TUSC3: variants seen among roughly 807,000 people sequenced by gnomAD.
TUSC3 encodes tumor suppressor candidate 3.
Under a neutral mutation model 44.8 loss-of-function variants are expected in TUSC3, and 45 were observed. The ratio of observed to expected loss-of-function variants is 1.00; its 90% CI spans 0.79 to 1.29. The LOEUF is 1.29. Ranked by LOEUF, TUSC3 falls within the 50% of genes most tolerant of loss-of-function variation. The pLI is 0.00. For synonymous variants in TUSC3, 212 were observed against 152.9 expected (o/e 1.39, Z -2.85); for missense variants, 519 against 437.9 (o/e 1.19, Z -1.65).
intron 1 of TUSC3, among the ~76,000 whole-genome samples, chr8:15,480,903 T>C (rs1182756185): frequency 6.6e-6 from 1 of 152,196 alleles, no homozygotes; most frequent in Non-Finnish European, 1.5e-5. Flanking sequence ...GATTGGAATG[T>C]GTTCCCCAAA....
intron 1 of TUSC3, among the ~76,000 whole-genome samples, chr8:15,619,405 C>T (rs1805141424): frequency 6.6e-6 from 1 of 152,112 alleles, no homozygotes; most frequent in Admixed American, 6.6e-5. Flanking sequence ...TCCTCGTTTA[C>T]CCTATAAGCA....
In TUSC3 at chr8:15,649,096, T is replaced by C. The variant is rs546159767; in HGVS notation, c.309-1601T>C. 1.6e-4 allele frequency among the ~76,000 whole-genome samples: 25 copies of C among 152,326 alleles called. No individual in the cohort carries two copies. The South Asian group carries it at 5.0e-3, about 30-fold the overall frequency. On this transcript the variant is annotated intron_variant, in intron 2 of 10. Coordinates refer to ENST00000503731, the MANE Select transcript of TUSC3 (RefSeq NM_006765.4). Reference sequence around the variant, plus strand: ...AATATCTTTTCTGACAGAATTTTTATAAGTATGTTAGTTACAGTTACACTT... The same window carrying C: ...AATATCTTTTCTGACAGAATTTTTACAAGTATGTTAGTTACAGTTACACTT...
chr8:15,777,395 G>A, the TUSC3 span, among the ~76,000 whole-genome samples: 1 of 152,072 alleles, frequency 6.6e-6, no homozygotes, highest in African/African-American at 2.4e-5. Context: ...TACCTATAAA[G>A]GGAGATTTAT....
At chr8:15,762,259 A>G (rs1812193732) in intron 10 of TUSC3, among the ~76,000 whole-genome samples, 4 of 152,040 alleles carry the variant, frequency 2.6e-5, no homozygotes, top group African/African-American at 9.7e-5. Context: ...TGATAGAAGC[A>G]TAGGAAGTAC....
the TUSC3 span, among the ~76,000 whole-genome samples, chr8:15,849,944 G>C: frequency 2.0e-5 from 3 of 152,230 alleles, no homozygotes; most frequent in South Asian, 6.2e-4. Flanking sequence ...AAAGAAACCT[G>C]AGTGCTTAGA....
intron 1 of TUSC3, among the ~76,000 whole-genome samples, chr8:15,456,396 A>G (rs190401142): frequency 6.6e-6 from 1 of 152,216 alleles, no homozygotes; most frequent in African/African-American, 2.4e-5. Context: ...CAAATTAAAT[A>G]GAAAAAATAA....
upstream of TUSC3, among the ~76,000 whole-genome samples, chr8:15,535,543 G>T (rs530051052): frequency 2.6e-5 from 4 of 152,038 alleles, no homozygotes; most frequent in Non-Finnish European, 4.4e-5. Context: ...TAGGGCAGAG[G>T]AAGCAATCAG....
intron 1 of TUSC3, among the ~76,000 whole-genome samples, chr8:15,620,479 G>A (rs1039995829): frequency 4.6e-5 from 7 of 152,112 alleles, no homozygotes; most frequent in Non-Finnish European, 1.0e-4. Flanking sequence ...TGTGTACCCT[G>A]AAATCTGTAG....
intron 9 of TUSC3, among the ~76,000 whole-genome samples, chr8:15,749,626 C>G (rs898866593): frequency 1.2e-4 from 18 of 151,186 alleles, no homozygotes; most frequent in Non-Finnish European, 2.1e-4. Flanking sequence ...CAAGCAGAGT[C>G]TTCAGGTTTT....
At chr8:15,760,522 T>A (rs1812128696) in intron 10 of TUSC3, among the ~76,000 whole-genome samples, 1 of 152,186 alleles carries the variant, frequency 6.6e-6, no homozygotes, top group South Asian at 2.1e-4. Flanking sequence ...GTAACTGCTG[T>A]CTGTGTTAGT....
At chr8:15,440,110 A>G (rs552776936) in intron 1 of TUSC3, among the ~76,000 whole-genome samples, 1 of 152,316 alleles carries the variant, frequency 6.6e-6, no homozygotes, top group Admixed American at 6.5e-5. Context: ...AATTGCCCTG[A>G]AAGAAGGAAC....
chr8:15,850,330 A>G, the TUSC3 span, among the ~76,000 whole-genome samples: 5,110 of 152,144 alleles, frequency 0.034, 274 homozygotes, highest in African/African-American at 0.12. Flanking sequence ...TTCTCAGTAA[A>G]TCTTCCCATT....
intron 1 of TUSC3, among the ~76,000 whole-genome samples, chr8:15,440,201 G>T (rs932481586): frequency 1.2e-4 from 18 of 152,204 alleles, no homozygotes; most frequent in Admixed American, 2.6e-4. Context: ...GTGAACAGAA[G>T]TTAACAAACC....
At chr8:15,710,621 C>G (rs776303893) in intron 6 of TUSC3, among the ~76,000 whole-genome samples, 6 of 151,618 alleles carry the variant, frequency 4.0e-5, no homozygotes, top group Non-Finnish European at 8.8e-5. Context: ...TGAGCAAACC[C>G]CCAGGCTACT....
chr8:15,507,370 C>G (rs962507680), intron 2 of TUSC3, among the ~76,000 whole-genome samples: 12 of 151,976 alleles, frequency 7.9e-5, no homozygotes, highest in Admixed American at 3.9e-4. Context: ...ACTTTGATCC[C>G]TTTATAGTTC....
chr8:15,677,256 T>A (rs1288822534), intron 6 of TUSC3, among the ~76,000 whole-genome samples: 1 of 152,142 alleles, frequency 6.6e-6, no homozygotes, highest in African/African-American at 2.4e-5. Context: ...TGCATTGGCC[T>A]CCCTGAGTTC....
chr8:15,724,429 ATAGTT>A (rs1810420769), intron 6 of TUSC3, among the ~76,000 whole-genome samples: 1 of 152,142 alleles, frequency 6.6e-6, no homozygotes, highest in African/African-American at 2.4e-5. Flanking sequence ...AAAATCTTAA[ATAGTT>A]AAGATGAATT....
chr8:15,626,935 G>C (rs560804934), intron 2 of TUSC3, among the ~76,000 whole-genome samples: 4 of 151,804 alleles, frequency 2.6e-5, no homozygotes, highest in Admixed American at 1.3e-4. Context: ...AGGGTGGAAG[G>C]GTCCTGATGA....
chr8:15,740,966 C>T (rs997674046), intron 7 of TUSC3, among the ~76,000 whole-genome samples: 4 of 152,014 alleles, frequency 2.6e-5, no homozygotes, highest in African/African-American at 9.7e-5. Context: ...TGAATTTAAG[C>T]AATTCAAATG....
Sources: allele counts gnomAD v4.1 joint callset (sites outside exome capture counted in the v4.1 genomes callset), GRCh38; gene constraint gnomAD v4.1.1; transcripts MANE v1.5; gene names NCBI Gene and HGNC (gene_info 2026-07-23, HGNC 2026-07-21).